Variants in ATP9A observed in about 807,000 individuals in gnomAD.
ATP9A encodes the protein ATPase phospholipid transporting 9A, also known as probable phospholipid-transporting ATPase IIA.
A neutral mutation model predicts 144.1 loss-of-function variants in ATP9A; 52 were observed. The ratio of observed to expected loss-of-function variants is 0.36; its 90% confidence interval spans 0.29 to 0.45. The LOEUF is 0.45. Ranked by LOEUF, ATP9A falls within the 20% of genes least tolerant of loss-of-function variation. The pLI is 1.00. For synonymous variants in ATP9A, 582 were observed against 557.4 expected (o/e 1.04, Z -0.62); for missense variants, 947 against 1,392.7 (o/e 0.68, Z 5.09).
intron 1 of ATP9A, among the ~76,000 whole-genome samples, chr20:51,739,238 C>T (rs953093423): frequency 6.6e-6 from 1 of 152,154 alleles, no homozygotes; most frequent in Non-Finnish European, 1.5e-5. Flanking sequence ...TTGTCCCCAA[C>T]CAGGTCTGAA....
intron 11 of ATP9A, among the ~76,000 whole-genome samples, chr20:51,673,778 G>C (rs140739429): frequency 2.0e-5 from 3 of 152,072 alleles, no homozygotes. Flanking sequence ...CGATGGGCGC[G>C]GTGGCTCACA....
At chr20:51,654,460 G>C (rs996208191) in intron 14 of ATP9A, among the ~76,000 whole-genome samples, 4 of 151,046 alleles carry the variant, frequency 2.6e-5, no homozygotes, top group Non-Finnish European at 5.9e-5. Flanking sequence ...CCTAAAATGG[G>C]TTAAAAAAAA....
intron 7 of ATP9A, among the ~76,000 whole-genome samples, chr20:51,693,752 T>A (rs1374043577): frequency 1.3e-5 from 2 of 152,114 alleles, no homozygotes; most frequent in Admixed American, 6.5e-5. Flanking sequence ...GCTTACCTTT[T>A]CAATTTTGGT....
At chr20:51,766,921 C>T (rs2077906608) in intron 1 of ATP9A, among the ~76,000 whole-genome samples, 1 of 151,954 alleles carries the variant, frequency 6.6e-6, no homozygotes, top group African/African-American at 2.4e-5. Context: ...TCAGACAATC[C>T]GGAGTTCAAT....
intron 8 of ATP9A, among the ~76,000 whole-genome samples, chr20:51,689,477 T>C (rs6096530): frequency 0.26 from 39,187 of 151,962 alleles, 5,408 homozygotes; most frequent in Non-Finnish European, 0.29. Context: ...TTGTGGCTTA[T>C]AGAAAGAGAA....
rs369611893 is a variant in ATP9A, at chr20:51,717,579, T to C, written c.328-4505A>G. Reference sequence around the variant, plus strand: ...CCTGCCTGGCTTCTATCCTAAGCTATAGTCAAAGGGAAAACAGGCCAGTCA... The same window carrying C: ...CCTGCCTGGCTTCTATCCTAAGCTACAGTCAAAGGGAAAACAGGCCAGTCA... On this transcript the variant is annotated intron_variant, in intron 3 of 27. Transcript: ENST00000338821. Among the ~76,000 whole-genome samples the C allele has an allele frequency of 1.1e-4, 16 of 152,156 alleles. 2 individuals carry two copies. Among genetic ancestry groups the C allele is most frequent in the Admixed American group, 2.0e-4 (3 of 15,278 alleles).
At chr20:51,753,783 C>T (rs1202663969) in intron 1 of ATP9A, among the ~76,000 whole-genome samples, 1 of 151,304 alleles carries the variant, frequency 6.6e-6, no homozygotes, top group Non-Finnish European at 1.5e-5. Context: ...TCTCCTGACT[C>T]AGCCTCCCAA....
chr20:51,658,762 C>T (rs557548075), intron 13 of ATP9A, among the ~76,000 whole-genome samples: 99 of 151,888 alleles, frequency 6.5e-4, no homozygotes, highest in African/African-American at 1.3e-3. Flanking sequence ...TCAAGCGATC[C>T]GCCTGCCTCG....
chr20:51,657,401 T>C (rs2077391839), intron 13 of ATP9A, among the ~76,000 whole-genome samples: 1 of 152,026 alleles, frequency 6.6e-6, no homozygotes, highest in African/African-American at 2.4e-5. Flanking sequence ...CGATTCTACC[T>C]GCAGATTGAG....
chr20:51,696,132 G>A lies in ATP9A; in HGVS notation c.508C>T (p.Pro170Ser). Residue 170 changes from proline to serine, a missense_variant, in exon 6 of 28, where the codon CCT becomes TCT. Physicochemically the swap from Pro to Ser is moderately conservative, Grantham distance 74. Transcript: ENST00000338821. ...GTCCTCAGGAAGATCATGTCGGCAG[G>A]GACCCGCTGGTTCTGTGTTATGAAA... is the stretch of plus-strand genomic sequence containing the variant. Reference protein sequence around the residue: ...LIIVEKNQRVPADMIFLRTSE... With the variant: ...LIIVEKNQRVSADMIFLRTSE... 6.2e-7 allele frequency: 1 copy of A among 1,613,822 alleles called. No individual in the cohort carries two copies. The highest frequency in any genetic ancestry group is 8.5e-7 in the Non-Finnish European group (1 of 1,179,776).
Position 51,627,610 on chromosome 20 carries a change from T to C in ATP9A, c.1835A>G (p.Gln612Arg). 6.2e-7 allele frequency: 1 copy of C among 1,614,178 alleles called. No individual in the cohort carries two copies. The highest frequency in any genetic ancestry group is 8.5e-7 in the Non-Finnish European group (1 of 1,179,982). ...CCCAGAACAACTTACTTCAAAGTCC[T>C]GATACTGCTCCTCTGCAAGAGACTT... ...AKKSLAEEQY[Q>R]DFEARYVQAK... is the part of the protein sequence containing the mutation. Residue 612 changes from glutamine (Q) to arginine (R), a missense_variant, in exon 17 of 28, where the codon CAG becomes CGG. Around this residue, in one of 2 missense-constraint regions of ATP9A, gnomAD observed 770 missense variants for 1,047.9 expected, o/e 0.73. Coordinates refer to ENST00000338821, the MANE Select transcript of ATP9A (RefSeq NM_006045.3).
chr20:51,741,778 C>T (rs1224010098), intron 1 of ATP9A, among the ~76,000 whole-genome samples: 1 of 152,134 alleles, frequency 6.6e-6, no homozygotes, highest in Non-Finnish European at 1.5e-5. Context: ...GGCAATTTTG[C>T]ACCCCCAGGG....
chr20:51,758,826 G>A (rs112895992), intron 1 of ATP9A, among the ~76,000 whole-genome samples: 327 of 152,344 alleles, frequency 2.1e-3, no homozygotes, highest in African/African-American at 7.6e-3. Context: ...TCAGGAGGCT[G>A]AGGAAGGAGA....
chr20:51,747,121 TTAAC>T (rs2077812226), intron 1 of ATP9A, among the ~76,000 whole-genome samples: 1 of 150,934 alleles, frequency 6.6e-6, no homozygotes, highest in Non-Finnish European at 1.5e-5. Flanking sequence ...TTTTTCCTGT[TTAAC>T]TAGGAGAATA....
At chr20:51,678,290 C>T (rs1568816821) in intron 9 of ATP9A, among the ~76,000 whole-genome samples, 1 of 152,102 alleles carries the variant, frequency 6.6e-6, no homozygotes, top group Non-Finnish European at 1.5e-5. Flanking sequence ...AGAGAAAACA[C>T]CTCTTTCTCT....
intron 3 of ATP9A, among the ~76,000 whole-genome samples, chr20:51,724,530 T>C (rs1419620770): frequency 6.6e-6 from 1 of 152,238 alleles, no homozygotes; most frequent in African/African-American, 2.4e-5. Flanking sequence ...TAAATGTATC[T>C]GGGATACCCC....
At chr20:51,672,563 CT>C (rs1187198266) in intron 11 of ATP9A, among the ~76,000 whole-genome samples, 2 of 152,160 alleles carry the variant, frequency 1.3e-5, no homozygotes, top group African/African-American at 2.4e-5. Flanking sequence ...CACAGTCCCC[CT>C]GTCCCTGTCA....
intron 9 of ATP9A, among the ~76,000 whole-genome samples, chr20:51,687,930 A>G (rs1225728938): frequency 1.3e-5 from 2 of 152,326 alleles, no homozygotes; most frequent in East Asian, 3.9e-4. Context: ...GTAGAATTAT[A>G]ATACTAACTA....
chr20:51,675,989 T>A (rs1327615751), intron 10 of ATP9A, 143 bp downstream of exon 10: 4 of 575,480 alleles, frequency 7.0e-6, no homozygotes, highest in Non-Finnish European at 1.2e-5. Context: ...ATTTATTGCA[T>A]ACACACACAC....
Sources: gnomAD v4.1 joint callset for allele counts (sites outside exome capture counted in the v4.1 genomes callset) on GRCh38, gnomAD v4.1.1 for gene constraint, gnomAD v4.1.1 regional missense constraint, MANE v1.5 for transcripts, NCBI Gene and HGNC (gene_info 2026-07-23, HGNC 2026-07-21) for gene names.